Variants in DNAI4 observed in about 807,000 individuals in gnomAD.
DNAI4 encodes dynein axonemal intermediate chain 4, also known as WD repeat domain 78.
In DNAI4, 85 loss-of-function variants were observed where a neutral mutation model predicts 105.8. The ratio of observed to expected loss-of-function variants is 0.80; its 90% confidence interval spans 0.67 to 0.96. DNAI4 has a LOEUF of 0.96. Ranked by LOEUF, DNAI4 falls within the 40% of genes least tolerant of loss-of-function variation. The pLI is 0.00. For missense variants in DNAI4, 1,014 were observed against 1,005.6 expected (o/e 1.01, Z -0.11); for synonymous variants, 352 against 331.5 (o/e 1.06, Z -0.67).
intron 11 of DNAI4, among the ~76,000 whole-genome samples, chr1:66,834,428 A>C (rs1473680463): frequency 1.3e-5 from 2 of 152,158 alleles, no homozygotes; most frequent in East Asian, 3.9e-4. Context: ...AAAAGCAAAA[A>C]TGTTCTTTCT....
At chr1:66,822,998 G>C (rs184982002) in intron 15 of DNAI4, among the ~76,000 whole-genome samples, 1 of 151,876 alleles carries the variant, frequency 6.6e-6, no homozygotes. Context: ...ATGCTGGTGC[G>C]CTGCACCCAC....
At chr1:66,920,910 C>A (rs1650436354) in intron 1 of DNAI4, among the ~76,000 whole-genome samples, 1 of 152,192 alleles carries the variant, frequency 6.6e-6, no homozygotes, top group African/African-American at 2.4e-5. Context: ...GCCACACAAA[C>A]ATAAAACACA....
intron 8 of DNAI4, among the ~76,000 whole-genome samples, chr1:66,844,657 A>T (rs1646232018): frequency 6.6e-6 from 1 of 152,208 alleles, no homozygotes; most frequent in Non-Finnish European, 1.5e-5. Context: ...GAAAACTGAG[A>T]AGTACAAATT....
chr1:66,842,766 C>T (rs1646178156), intron 8 of DNAI4, among the ~76,000 whole-genome samples: 1 of 152,154 alleles, frequency 6.6e-6, no homozygotes, highest in Non-Finnish European at 1.5e-5. Flanking sequence ...TGTGCATTCC[C>T]ATCAGCATGA....
rs982557901 is a variant in DNAI4, at chr1:66,871,432, G to A, written c.878C>T (p.Thr293Ile). The A allele has an allele frequency of 1.2e-6, 2 of 1,612,158 alleles. No homozygotes were observed. The highest frequency in any genetic ancestry group is 8.5e-7 in the Non-Finnish European group (1 of 1,178,908). The change falls in exon 6 of 17, where the codon ACT (threonine) becomes ATT (isoleucine). Residue 293 changes from threonine to isoleucine, a missense_variant. Coordinates refer to ENST00000371026, the MANE Select transcript of DNAI4 (RefSeq NM_024763.5). ...NDLYVERMMQ[T>I]FNGAPKNKDV... is the part of the protein sequence containing the mutation. ...TTTATTCTTTGGTGCTCCATTGAAA[G>A]TCTGCATCATCCTTTCAACATATAG...
At chr1:66,839,324 T>C (rs917887868) in intron 9 of DNAI4, among the ~76,000 whole-genome samples, 13 of 152,172 alleles carry the variant, frequency 8.5e-5, no homozygotes, top group Admixed American at 8.5e-4. Context: ...GTCCCAAATA[T>C]AGTTTTATAA....
chr1:66,830,281 T>A (rs1645838845), intron 13 of DNAI4, among the ~76,000 whole-genome samples: 1 of 151,368 alleles, frequency 6.6e-6, no homozygotes, highest in Admixed American at 6.6e-5. Flanking sequence ...TCTCTTTGAG[T>A]TCAATAGAAT....
intron 6 of DNAI4, among the ~76,000 whole-genome samples, chr1:66,866,982 G>A (rs868282967): frequency 7.9e-5 from 12 of 152,300 alleles, no homozygotes; most frequent in African/African-American, 2.6e-4. Context: ...GACGAGCGAA[G>A]GGGGAAGCCC....
chr1:66,909,284 CT>C (rs1333335181), intron 1 of DNAI4, among the ~76,000 whole-genome samples: 2 of 24,858 alleles, frequency 8.0e-5, no homozygotes, highest in East Asian at 1.7e-3. Context: ...CCACCTCTCT[CT>C]ACACACACAC....
intron 1 of DNAI4, among the ~76,000 whole-genome samples, chr1:66,918,082 G>A (rs1049679876): frequency 6.6e-5 from 10 of 152,094 alleles, no homozygotes; most frequent in African/African-American, 2.4e-4. Context: ...TCCATGGCTG[G>A]GCTTGGCTTT....
rs56842115 is a variant in DNAI4, at chr1:66,890,866, G to GGAAGAAGAAGAAGAA, written c.643+273_643+287dup. 1.7e-5 allele frequency: 7 copies of GGAAGAAGAAGAAGAA among 420,008 alleles called. No individual in the cohort carries two copies. The highest frequency in any genetic ancestry group is 7.8e-5 in the Admixed American group (2 of 25,738). The allele number at this position is 420,008 out of a possible 1,614,324, so 26.0% of individuals were successfully genotyped here. On this transcript the variant is annotated intron_variant, in intron 4 of 16. Coordinates refer to ENST00000371026, the MANE Select transcript of DNAI4 (RefSeq NM_024763.5). The surrounding 1 kb of genome is among the most constrained non-coding windows in gnomAD (Gnocchi z 4.1). ...AGGAAGAGGAAGAAGAAGAGGAAGA[G>GGAAGAAGAAGAAGAA]GAAGAAGAAGAAGAAGAAGCAGAAG...
At chr1:66,921,615 A>AT (rs1410569624) in intron 1 of DNAI4, among the ~76,000 whole-genome samples, 1 of 152,246 alleles carries the variant, frequency 6.6e-6, no homozygotes, top group Non-Finnish European at 1.5e-5. Context: ...ACATCATACT[A>AT]TGAGAGTTGG....
chr1:66,814,078 A>G lies in DNAI4; in HGVS notation c.*52T>C. 6.9e-7 allele frequency: 1 copy of G among 1,447,758 alleles called. No homozygotes were observed. The highest frequency in any genetic ancestry group is 1.8e-4 in the Middle Eastern group (1 of 5,710). The allele number at this position is 1,447,758 out of a possible 1,614,324, so 89.7% of individuals were successfully genotyped here. ...TACAGTATGTAATACAGAATATTGG[A>G]TGTTAATTCCTTTTTTAAAACAACT... On this transcript the variant is annotated 3_prime_UTR_variant, in exon 17 of 17. Transcript: ENST00000371026.
chr1:66,837,575 G>T, intron 10 of DNAI4, 135 bp downstream of exon 10: 1 of 1,064,536 alleles, frequency 9.4e-7, no homozygotes, highest in Non-Finnish European at 1.3e-6. Flanking sequence ...TAATTGCTAT[G>T]AAGTTAAACC....
At chr1:66,886,335 T>G (rs540594499) in intron 4 of DNAI4, among the ~76,000 whole-genome samples, 111 of 152,338 alleles carry the variant, frequency 7.3e-4, no homozygotes, top group African/African-American at 2.6e-3. Context: ...ACAGCCTGGG[T>G]TTGATGCTTG....
At chr1:66,901,066 C>A (rs185316654) in intron 2 of DNAI4, among the ~76,000 whole-genome samples, 1 of 152,036 alleles carries the variant, frequency 6.6e-6, no homozygotes, top group East Asian at 1.9e-4. Context: ...TAGTTTGTTG[C>A]GTGTTTATAT....
chr1:66,833,842 A>T, intron 12 of DNAI4, 136 bp from the exon 13 acceptor site: 2 of 1,382,342 alleles, frequency 1.4e-6, no homozygotes, highest in East Asian at 2.4e-5. Flanking sequence ...AAATTAGCAC[A>T]CACCAGAACT....
At chr1:66,923,781 G>C (rs190376288) in intron 1 of DNAI4, among the ~76,000 whole-genome samples, 3 of 152,164 alleles carry the variant, frequency 2.0e-5, no homozygotes, top group South Asian at 4.1e-4. Flanking sequence ...AGATTGGAGA[G>C]GGGAAGAGAA....
At chr1:66,848,801 C>T (rs1239996647) in intron 7 of DNAI4, among the ~76,000 whole-genome samples, 3 of 152,116 alleles carry the variant, frequency 2.0e-5, no homozygotes, top group African/African-American at 7.2e-5. Context: ...AGCCAAATGA[C>T]CAGGAAAAGC....
Sources: gnomAD v4.1 joint callset for allele counts (sites outside exome capture counted in the v4.1 genomes callset) on GRCh38, gnomAD v4.1.1 for gene constraint, Gnocchi (gnomAD v3.1) non-coding constraint, MANE v1.5 for transcripts, NCBI Gene and HGNC (gene_info 2026-07-23, HGNC 2026-07-21) for gene names.